BAHCC1: variants seen among roughly 807,000 people sequenced by gnomAD.
The protein encoded by BAHCC1 is BAH domain and coiled-coil containing 1, also known as BAH and coiled-coil domain-containing protein 1.
In BAHCC1, 43 loss-of-function variants were observed where a neutral mutation model predicts 88.2. The observed-to-expected ratio is 0.49, with a 90% CI of 0.38 to 0.63. The LOEUF (loss-of-function observed/expected upper bound fraction) is 0.63, where lower values mean the gene tolerates loss of function less well. Among genes scored for constraint, BAHCC1 ranks in the 20% least tolerant of loss-of-function variants. BAHCC1 has a pLI of 0.00. For synonymous variants in BAHCC1, 1,510 were observed against 745.5 expected (o/e 2.03, Z -16.71); for missense variants, 3,023 against 1,654.8 (o/e 1.83, Z -14.34).
chr17:81,406,907 G>A (rs529851933), intron 2 of BAHCC1: 172 of 456,328 alleles, frequency 3.8e-4, no homozygotes, highest in Admixed American at 6.6e-4. Context: ...CTGTCCACAC[G>A]ATTAGGTTCC....
chr17:81,419,643 A>G (rs893394281), intron 2 of BAHCC1, among the ~76,000 whole-genome samples: 1 of 151,462 alleles, frequency 6.6e-6, no homozygotes, highest in Non-Finnish European at 1.5e-5. Context: ...GTGGGAGCTG[A>G]CGCAGGCGGC....
Position 81,442,831 on chromosome 17 carries a change from C to T in BAHCC1, c.1482C>T (p.Phe494=), listed in dbSNP as rs781806973. The T allele has an allele frequency of 1.8e-4, 138 of 779,442 alleles. No homozygotes were observed. The East Asian group carries it at 3.0e-3, about 17-fold the overall frequency. 48.3% of individuals were successfully genotyped at this position (779,442 alleles called of 1,614,324 possible). A position where few individuals can be genotyped will look rare whatever the true frequency, so the allele number is the denominator to read the frequency against. The change falls in exon 5 of 28, where the codon TTC becomes TTT. Residue 494 remains phenylalanine, a synonymous_variant. Transcript: ENST00000675386. Reference sequence around the variant, plus strand: ...GCGGTCTGGACAAAAGCGGCTACTTCGAGTTGCCCACCTCTTCACAGGACT... The same window carrying T: ...GCGGTCTGGACAAAAGCGGCTACTTTGAGTTGCCCACCTCTTCACAGGACT... ...PKSGLDKSGY[F]ELPTSSQDCA...
Position 81,462,098 on chromosome 17 carries a change from C to T in BAHCC1, c.7383+52C>T, listed in dbSNP as rs200571395. Reference sequence around the variant, plus strand: ...CTCCTGGTTCCCAAGGAAACCGGGGCGGGCTCATGCGCCCCTGCTGCCCTT... The same window carrying T: ...CTCCTGGTTCCCAAGGAAACCGGGGTGGGCTCATGCGCCCCTGCTGCCCTT... On this transcript the variant is annotated intron_variant, in intron 26 of 27. Transcript: ENST00000675386. The T allele has an allele frequency of 2.3e-4, 158 of 684,308 alleles. 1 individual carries two copies. Among genetic ancestry groups the T allele is most frequent in the Non-Finnish European group, 3.7e-4 (137 of 375,024 alleles). 42.4% of individuals were successfully genotyped at this position (684,308 alleles called of 1,614,324 possible).
In BAHCC1 at chr17:81,464,393, A is replaced by T. The variant is rs1229551031; in HGVS notation, c.*576A>T. On this transcript the variant is annotated 3_prime_UTR_variant, in exon 28 of 28. Coordinates refer to ENST00000675386, the MANE Select transcript of BAHCC1 (RefSeq NM_001377448.1). ...GGTTCCAACGGGGGCACCTGGGACG[A>T]CAGAGGCATCTCGGGGCAGGGGGCA... 1 of 160,230 alleles carries T rather than the reference A, an allele frequency of 6.2e-6. No individual in the cohort carries two copies. Among genetic ancestry groups the T allele is most frequent in the Non-Finnish European group, 1.4e-5 (1 of 72,156 alleles). The allele number at this position is 160,230 out of a possible 1,614,324, so 9.9% of individuals were successfully genotyped here.
At chr17:81,438,082 TC>T (rs1219708662) in intron 3 of BAHCC1, among the ~76,000 whole-genome samples, 1 of 152,200 alleles carries the variant, frequency 6.6e-6, no homozygotes, top group African/African-American at 2.4e-5. Flanking sequence ...CCTGGGAGCT[TC>T]CGCGATCCTG....
intron 2 of BAHCC1, among the ~76,000 whole-genome samples, chr17:81,400,128 C>T (rs1017487462): frequency 6.6e-6 from 1 of 152,172 alleles, no homozygotes; most frequent in Admixed American, 6.5e-5. Flanking sequence ...GGCCACCCTC[C>T]CCCGGGGGTC....
intron 2 of BAHCC1, among the ~76,000 whole-genome samples, chr17:81,425,740 T>TAGTC (rs1409020149): frequency 8.4e-6 from 1 of 118,618 alleles, no homozygotes; most frequent in Non-Finnish European, 1.8e-5. Context: ...TTGGTGGTGA[T>TAGTC]GTGGTTGGTG....
chr17:81,450,143 G>A (rs1393138498), intron 11 of BAHCC1, among the ~76,000 whole-genome samples: 4 of 152,192 alleles, frequency 2.6e-5, no homozygotes, highest in Non-Finnish European at 5.9e-5. Flanking sequence ...GGTTATCGTT[G>A]CTCCTGGGCT....
At chr17:81,438,279 G>C (rs1370548059) in intron 3 of BAHCC1, 91 bp from the exon 4 acceptor site, 2 of 739,096 alleles carry the variant, frequency 2.7e-6, no homozygotes, top group African/African-American at 3.4e-5. Context: ...CTCCTGGGCT[G>C]CCTGCCGGCT....
chr17:81,460,350 C>G lies in BAHCC1; in HGVS notation c.5979C>G (p.Ile1993Met), dbSNP rs781802234. ...VEFDDGDTGH[I>M]AVSNVRLLPP... ...TTGACGATGGGGATACAGGCCACATCGCCGTCTCCAACGTCAGGCTGCTGC... is the reference window on the plus strand; with the variant it reads ...TTGACGATGGGGATACAGGCCACATGGCCGTCTCCAACGTCAGGCTGCTGC... The change falls in exon 24 of 28, where the codon ATC (isoleucine) becomes ATG (methionine). Residue 1993 changes from isoleucine (I) to methionine (M), a missense_variant. Physicochemically the swap from Ile to Met is conservative, Grantham distance 10 (BLOSUM62 1). Coordinates refer to ENST00000675386, the MANE Select transcript of BAHCC1 (RefSeq NM_001377448.1). 1.3e-6 allele frequency: 1 copy of G among 775,534 alleles called. No homozygotes were observed. The highest frequency in any genetic ancestry group is 1.4e-5 in the South Asian group (1 of 73,476). 48.0% of individuals were successfully genotyped at this position (775,534 alleles called of 1,614,324 possible).
chr17:81,404,499 A>G (rs782472579), intron 2 of BAHCC1, among the ~76,000 whole-genome samples: 21 of 152,216 alleles, frequency 1.4e-4, no homozygotes, highest in Non-Finnish European at 5.9e-5. Context: ...CAGCAGGGTC[A>G]TTGTCCCCTG....
At chr17:81,419,476 C>CA (rs2064086128) in intron 2 of BAHCC1, among the ~76,000 whole-genome samples, 1 of 152,260 alleles carries the variant, frequency 6.6e-6, no homozygotes, top group African/African-American at 2.4e-5. Flanking sequence ...CCCTTGGGAG[C>CA]CTGGCTCGTG....
Position 81,415,127 on chromosome 17 carries a change from G to A in BAHCC1, c.179-11673G>A, listed in dbSNP as rs151190118. Among the ~76,000 whole-genome samples the A allele has an allele frequency of 1.7e-3, 258 of 152,356 alleles. 2 individuals carry two copies. The highest frequency in any genetic ancestry group is 5.9e-3 in the African/African-American group (247 of 41,582). On this transcript the variant is annotated intron_variant, in intron 2 of 27. Transcript: ENST00000675386. Reference sequence around the variant, plus strand: ...CGGGGGGCTGGGGACGGGCCCGGGCGAGGGAGCTGGAGGAGGGCACCTGGC... The same window carrying A: ...CGGGGGGCTGGGGACGGGCCCGGGCAAGGGAGCTGGAGGAGGGCACCTGGC...
intron 4 of BAHCC1, among the ~76,000 whole-genome samples, chr17:81,440,757 A>AC (rs1377490040): frequency 2.0e-5 from 3 of 151,772 alleles, no homozygotes; most frequent in Non-Finnish European, 2.9e-5. Flanking sequence ...CCAGACACTC[A>AC]CCCCCCACCA....
intron 2 of BAHCC1, among the ~76,000 whole-genome samples, chr17:81,419,841 G>A (rs1190339571): frequency 6.6e-6 from 1 of 150,800 alleles, no homozygotes; most frequent in Non-Finnish European, 1.5e-5. Flanking sequence ...CAGAAAAGGA[G>A]GATGCTGTCT....
In BAHCC1 at chr17:81,414,618, A is replaced by G. The variant is rs534701853; in HGVS notation, c.179-12182A>G. On this transcript the variant is annotated intron_variant, in intron 2 of 27. Coordinates refer to ENST00000675386, the MANE Select transcript of BAHCC1 (RefSeq NM_001377448.1). ...TACCTCAGAGGCTGAGGTGAAAAGT[A>G]AGATGAATAAGATGAACGTGTGTGT... Among the ~76,000 whole-genome samples, 19 of 152,332 alleles carry G rather than the reference A, an allele frequency of 1.2e-4. No homozygotes were observed. The South Asian group carries it at 3.7e-3, about 30-fold the overall frequency.
chr17:81,453,917 G>A (rs1038390387), intron 14 of BAHCC1, among the ~76,000 whole-genome samples: 1 of 152,254 alleles, frequency 6.6e-6, no homozygotes, highest in Admixed American at 6.5e-5. Flanking sequence ...GTGCCTTGTG[G>A]CCCATGGCTT....
intron 3 of BAHCC1, 84 bp from the exon 4 acceptor site, chr17:81,438,286 G>A (rs2064363908): frequency 2.7e-6 from 2 of 749,536 alleles, no homozygotes; most frequent in Admixed American, 1.8e-5. Flanking sequence ...GCTGCCTGCC[G>A]GCTTCTTGCC....
chr17:81,447,704 C>A lies in BAHCC1; in HGVS notation c.3832C>A (p.Pro1278Thr). Residue 1278 changes from proline to threonine, a missense_variant, in exon 11 of 28, where the codon CCA (proline) becomes ACA (threonine). Pro to Thr is a conservative substitution (Grantham distance 38, BLOSUM62 -1). Transcript: ENST00000675386. The stretch of plus-strand genomic sequence containing the variant: ...CCTGGGGGACCTGCCCAGCGACAGC[C>A]CACCGGACCCTCAGCCCCCAGCGGC... ...INLGDLPSDS[P>T]PDPQPPAASG... The A allele has an allele frequency of 1.4e-6, 1 of 734,610 alleles. No homozygotes were observed. Among genetic ancestry groups the A allele is most frequent in the East Asian group, 2.6e-5 (1 of 38,438 alleles). The allele number at this position is 734,610 out of a possible 1,614,324, so 45.5% of individuals were successfully genotyped here.
Sources: gnomAD v4.1 joint callset for allele counts (sites outside exome capture counted in the v4.1 genomes callset) on GRCh38, gnomAD v4.1.1 for gene constraint, MANE v1.5 for transcripts, NCBI Gene and HGNC (gene_info 2026-07-23, HGNC 2026-07-21) for gene names.